AKT2: variants seen among roughly 807,000 people sequenced by gnomAD.
AKT2 encodes the protein RAC-beta serine/threonine-protein kinase.
A neutral mutation model predicts 58.6 loss-of-function variants in AKT2; 16 were observed. That is an observed-to-expected ratio of 0.27 (90% confidence interval 0.18 to 0.41). The LOEUF (loss-of-function observed/expected upper bound fraction) is 0.41. Ranked by LOEUF, AKT2 falls within the 10% of genes least tolerant of loss-of-function variation. AKT2 has a pLI of 1.00. For missense variants in AKT2, 438 were observed against 661.0 expected, an observed-to-expected ratio of 0.66 and a Z score of 3.70; for synonymous variants, 253 against 254.0, an observed-to-expected ratio of 1.00 and a Z score of 0.04.
intron 1 of AKT2, among the ~76,000 whole-genome samples, chr19:40,279,918 A>G (rs1380330207): frequency 6.6e-6 from 1 of 152,132 alleles, no homozygotes; most frequent in Non-Finnish European, 1.5e-5. Flanking sequence ...CTTCACCCAG[A>G]TCCTCCCATG....
intron 1 of AKT2, among the ~76,000 whole-genome samples, chr19:40,271,842 C>T (rs1453714722): frequency 1.3e-5 from 2 of 152,184 alleles, no homozygotes; most frequent in Admixed American, 6.5e-5. Context: ...CCCCTGGTTA[C>T]GACAATCAAA....
At chr19:40,275,955 T>C (rs1325653609) in intron 1 of AKT2, among the ~76,000 whole-genome samples, 1 of 145,804 alleles carries the variant, frequency 6.9e-6, no homozygotes, top group Non-Finnish European at 1.5e-5. Flanking sequence ...GCGGTTGTAG[T>C]GAGACAAGAT....
Position 40,242,025 on chromosome 19 carries a change from G to A in AKT2, c.486C>T (p.Thr162=), listed in dbSNP as rs1048317051. ...FDYLKLLGKG[T]FGKVILVREK... ...CCCGCACCAGGATGACTTTGCCAAAGGTTCCCTTGCCAAGGAGTTTGAGAT... is the reference window on the plus strand; with the variant it reads ...CCCGCACCAGGATGACTTTGCCAAAAGTTCCCTTGCCAAGGAGTTTGAGAT... The change falls in exon 6 of 14, where the codon ACC becomes ACT. Residue 162 remains threonine (T), a synonymous_variant. Transcript: ENST00000392038. This position sits in a 1 kb window ranked among gnomAD's most constrained non-coding sequence, Gnocchi z 4.3. The A allele has an allele frequency of 3.1e-6, 5 of 1,614,248 alleles. No individual in the cohort carries two copies. Among genetic ancestry groups the A allele is most frequent in the South Asian group, 1.1e-5 (1 of 91,090 alleles).
In AKT2 at chr19:40,235,284, C is replaced by A; in HGVS notation, c.1242G>T (p.Trp414Cys). ...MEHRFFLSIN[W>C]QDVVQKKLLP... ...TCACCTTCTTCTGGACCACGTCCTG[C>A]CAGTTGATGCTGAGGAAGAACCTGT... Residue 414 changes from tryptophan to cysteine, a missense_variant, in exon 12 of 14, where the codon TGG (tryptophan) becomes TGT (cysteine). Coordinates refer to ENST00000392038, the MANE Select transcript of AKT2 (RefSeq NM_001626.6). This position sits in a 1 kb window ranked among gnomAD's most constrained non-coding sequence, Gnocchi z 6.3. The A allele has an allele frequency of 1.2e-6, 2 of 1,614,030 alleles. No individual in the cohort carries two copies. Among genetic ancestry groups the A allele is most frequent in the Non-Finnish European group, 1.7e-6 (2 of 1,180,006 alleles).
Position 40,233,796 on chromosome 19 carries a change from T to C in AKT2, c.*76A>G. On this transcript the variant is annotated 3_prime_UTR_variant, in exon 14 of 14. Coordinates refer to ENST00000392038, the MANE Select transcript of AKT2 (RefSeq NM_001626.6). This position sits in a 1 kb window ranked among gnomAD's most constrained non-coding sequence, Gnocchi z 4.3. Reference sequence around the variant, plus strand: ...GGGTGGGGACACAAACCAAAAAGGCTAAGTAAAAAGTTAGGGGGAAAAAAC... The same window carrying C: ...GGGTGGGGACACAAACCAAAAAGGCCAAGTAAAAAGTTAGGGGGAAAAAAC... The C allele has an allele frequency of 6.8e-7, 1 of 1,471,404 alleles. No homozygotes were observed. The highest frequency in any genetic ancestry group is 2.3e-5 in the East Asian group (1 of 43,966). 91.1% of individuals were successfully genotyped at this position (1,471,404 alleles called of 1,614,324 possible). A position where few individuals can be genotyped will look rare whatever the true frequency, so the allele number is the denominator to read the frequency against.
In AKT2 at chr19:40,233,136, A is replaced by T. The variant is rs375933391; in HGVS notation, c.*736T>A. The T allele has an allele frequency of 4.2e-5, 10 of 237,830 alleles. No homozygotes were observed. Among genetic ancestry groups the T allele is most frequent in the East Asian group, 3.6e-4 (6 of 16,652 alleles). The allele number at this position is 237,830 out of a possible 1,614,324, so 14.7% of individuals were successfully genotyped here. ...AGCCCTAGTAAGGCACGGGGCTGGGAGGCAGGCAGGTTTGGCCCCAAATGT... is the reference window on the plus strand; with the variant it reads ...AGCCCTAGTAAGGCACGGGGCTGGGTGGCAGGCAGGTTTGGCCCCAAATGT... On this transcript the variant is annotated 3_prime_UTR_variant, in exon 14 of 14. Coordinates refer to ENST00000392038, the MANE Select transcript of AKT2 (RefSeq NM_001626.6). This position sits in a 1 kb window ranked among gnomAD's most constrained non-coding sequence, Gnocchi z 4.3.
intron 7 of AKT2, chr19:40,239,297 A>C: frequency 6.8e-6 from 2 of 293,836 alleles, no homozygotes; most frequent in Non-Finnish European, 1.3e-5. Context: ...TTACACACAC[A>C]AGTGATGTCT....
In AKT2 at chr19:40,274,792, T is replaced by C. The variant is rs186554952; in HGVS notation, c.-84-9441A>G. The C allele has an allele frequency of 2.5e-4, 84 of 338,134 alleles. No individual in the cohort carries two copies. The East Asian group carries it at 6.2e-3, about 25-fold the overall frequency. 20.9% of individuals were successfully genotyped at this position (338,134 alleles called of 1,614,324 possible). A position where few individuals can be genotyped will look rare whatever the true frequency, so the allele number is the denominator to read the frequency against. On this transcript the variant is annotated intron_variant, in intron 1 of 13. Transcript: ENST00000392038. ...GAAGGGGAGGGCCGGGAGATGTAGC[T>C]AGAGGAAGCTGGGGACCGCTGGGCA...
Position 40,258,255 on chromosome 19 carries a change from A to AC in AKT2, c.47-1202_47-1201insG, listed in dbSNP as rs577275933. 2.4e-4 allele frequency among the ~76,000 whole-genome samples: 36 copies of AC among 151,100 alleles called. No individual in the cohort carries two copies. In the South Asian group the frequency reaches 6.0e-3, roughly 25 times the overall value. On this transcript the variant is annotated intron_variant, in intron 2 of 13. Coordinates refer to ENST00000392038, the MANE Select transcript of AKT2 (RefSeq NM_001626.6). ...GCGAAACTCCGTCTCGAAAAAAAAA[A>AC]AAAAAAAACAAAAAAAAAAACCTGA... is the stretch of plus-strand genomic sequence containing the variant.
chr19:40,261,942 C>A, intron 2 of AKT2, among the ~76,000 whole-genome samples: 1 of 150,350 alleles, frequency 6.7e-6, no homozygotes, highest in East Asian at 1.9e-4. Flanking sequence ...TAAAAAAAAC[C>A]TCATCTGTGT....
intron 1 of AKT2, among the ~76,000 whole-genome samples, chr19:40,267,803 G>T (rs1276155193): frequency 6.6e-6 from 1 of 152,298 alleles, no homozygotes; most frequent in East Asian, 1.9e-4. Context: ...CCTTCATGAG[G>T]CTCACAGTCT....
rs965617770 is a variant in AKT2, at chr19:40,255,167, G to A, written c.278C>T (p.Pro93Leu). ...AGAGGCCCAGACTGACCTCTCGTCT[G>A]GAGAATCCACGTGGAAGGTCCTCTC... is the stretch of plus-strand genomic sequence containing the variant. ...VIERTFHVDS[P>L]DEREEWMRAI... is the part of the protein sequence containing the mutation. Residue 93 changes from proline (P) to leucine (L), a missense_variant, in exon 4 of 14, where the codon CCA becomes CTA. By Grantham distance (98) the Pro-to-Leu change is moderately conservative. Coordinates refer to ENST00000392038, the MANE Select transcript of AKT2 (RefSeq NM_001626.6). 3 of 1,613,634 alleles carry A rather than the reference G, an allele frequency of 1.9e-6. No homozygotes were observed. The highest frequency in any genetic ancestry group is 2.7e-5 in the African/African-American group (2 of 75,050).
Position 40,238,880 on chromosome 19 carries a change from CAA to C in AKT2, c.708+23_708+24del. ...CCCTAAAGAAGGAGGCCCCAGAGGGCAAAGTCAAGGCAGCCGCGGCTCACCTC... is the reference window on the plus strand; with the variant it reads ...CCCTAAAGAAGGAGGCCCCAGAGGGCAGTCAAGGCAGCCGCGGCTCACCTC... On this transcript the variant is annotated intron_variant, in intron 8 of 13. Coordinates refer to ENST00000392038, the MANE Select transcript of AKT2 (RefSeq NM_001626.6). This position sits in a 1 kb window ranked among gnomAD's most constrained non-coding sequence, Gnocchi z 5.1. The C allele has an allele frequency of 6.2e-7, 1 of 1,613,676 alleles. No individual in the cohort carries two copies. Among genetic ancestry groups the C allele is most frequent in the South Asian group, 1.1e-5 (1 of 91,082 alleles).
rs973570376 is a variant in AKT2, at chr19:40,234,083, C to T, written c.1367-132G>A. On this transcript the variant is annotated intron_variant, in intron 13 of 13. Coordinates refer to ENST00000392038, the MANE Select transcript of AKT2 (RefSeq NM_001626.6). The surrounding 1 kb of genome is among the most constrained non-coding windows in gnomAD (Gnocchi z 4.7). ...ACAGGACAGGAAAGGCCCATCCCTC[C>T]GCAATGGAGGCCCTCAGCCACGGAC... 2.7e-5 allele frequency: 24 copies of T among 894,906 alleles called. No homozygotes were observed. The highest frequency in any genetic ancestry group is 6.7e-5 in the African/African-American group (4 of 59,472). 55.4% of individuals were successfully genotyped at this position (894,906 alleles called of 1,614,324 possible). A position where few individuals can be genotyped will look rare whatever the true frequency, so the allele number is the denominator to read the frequency against.
chr19:40,234,333 C>T lies in AKT2; in HGVS notation c.1367-382G>A. 3.5e-6 allele frequency: 1 copy of T among 283,962 alleles called. No homozygotes were observed. The highest frequency in any genetic ancestry group is 6.7e-6 in the Non-Finnish European group (1 of 149,984). The allele number at this position is 283,962 out of a possible 1,614,324, so 17.6% of individuals were successfully genotyped here. ...GGGCTTTCTAAAGGCCTGCTTTAACCCTGTCCCTCTCTGTATGAAACCCTT... is the reference window on the plus strand; with the variant it reads ...GGGCTTTCTAAAGGCCTGCTTTAACTCTGTCCCTCTCTGTATGAAACCCTT... On this transcript the variant is annotated intron_variant, in intron 13 of 13. Coordinates refer to ENST00000392038, the MANE Select transcript of AKT2 (RefSeq NM_001626.6). This position sits in a 1 kb window ranked among gnomAD's most constrained non-coding sequence, Gnocchi z 4.7.
At chr19:40,248,154 G>A (rs995225058) in intron 4 of AKT2, among the ~76,000 whole-genome samples, 2 of 152,196 alleles carry the variant, frequency 1.3e-5, no homozygotes, top group African/African-American at 4.8e-5. Flanking sequence ...GCCCCTTCCT[G>A]CAGGCAACAC....
Position 40,242,732 on chromosome 19 carries a change from C to T in AKT2, c.288-45G>A, listed in dbSNP as rs41311971. 48,879 of 1,601,962 alleles carry T rather than the reference C, an allele frequency of 0.031. 927 individuals carry two copies. Among genetic ancestry groups the T allele is most frequent in the Non-Finnish European group, 0.034 (39,983 of 1,178,030 alleles). On this transcript the variant is annotated intron_variant, in intron 4 of 13. Coordinates refer to ENST00000392038, the MANE Select transcript of AKT2 (RefSeq NM_001626.6). This position sits in a 1 kb window ranked among gnomAD's most constrained non-coding sequence, Gnocchi z 4.3. ...AGTCCCAGCAGCCAGGAGTCCTGGG[C>T]CTCAGAGTCGAACAGCTGAGTGCCA...
At position 40,234,893 on chromosome 19, in the gene AKT2, A is replaced by C; in HGVS notation, c.1366+152T>G. 1 of 780,490 alleles carries C rather than the reference A, an allele frequency of 1.3e-6. No homozygotes were observed. The highest frequency in any genetic ancestry group is 2.2e-6 in the Non-Finnish European group (1 of 453,470). The allele number at this position is 780,490 out of a possible 1,614,324, so 48.3% of individuals were successfully genotyped here. Reference sequence around the variant, plus strand: ...GGCCTCACCAGGTCCAAAGAGGACCAACAGCAAAAGGGCCTGAGAGCAGAC... The same window carrying C: ...GGCCTCACCAGGTCCAAAGAGGACCCACAGCAAAAGGGCCTGAGAGCAGAC... On this transcript the variant is annotated intron_variant, in intron 13 of 13. Coordinates refer to ENST00000392038, the MANE Select transcript of AKT2 (RefSeq NM_001626.6). The surrounding 1 kb of genome is among the most constrained non-coding windows in gnomAD (Gnocchi z 4.7).
intron 4 of AKT2, among the ~76,000 whole-genome samples, chr19:40,247,622 C>T (rs1431081639): frequency 2.0e-5 from 3 of 152,174 alleles, no homozygotes; most frequent in Non-Finnish European, 4.4e-5. Flanking sequence ...GAACTCTCCT[C>T]GTAAGCCATG....
Sources: gnomAD v4.1 joint callset for allele counts (sites outside exome capture counted in the v4.1 genomes callset) on GRCh38, gnomAD v4.1.1 for gene constraint, Gnocchi (gnomAD v3.1) non-coding constraint, MANE v1.5 for transcripts, NCBI Gene and HGNC (gene_info 2026-07-23, HGNC 2026-07-21) for gene names.